Variants in TTC7B observed in about 807,000 individuals in gnomAD.
TTC7B encodes the protein tetratricopeptide repeat protein 7B.
A neutral mutation model predicts 106.8 loss-of-function variants in TTC7B; 28 were observed. That is an observed-to-expected ratio of 0.26 (90% CI 0.19 to 0.36). The LOEUF (loss-of-function observed/expected upper bound fraction) is 0.36. Among genes scored for constraint, TTC7B ranks in the 10% least tolerant of loss-of-function variants. The pLI is 1.00. For synonymous variants in TTC7B, 405 were observed against 430.6 expected (o/e 0.94, Z 0.74); for missense variants, 862 against 1,076.4 (o/e 0.80, Z 2.79).
intron 1 of TTC7B, among the ~76,000 whole-genome samples, chr14:90,794,211 C>CTTTT (rs1186061223): frequency 4.4e-5 from 2 of 45,096 alleles, no homozygotes; most frequent in African/African-American, 7.1e-5. Flanking sequence ...CTGGGTATTT[C>CTTTT]TTTTTTTTTT....
At chr14:90,788,542 T>C (rs2140043286) in intron 1 of TTC7B, among the ~76,000 whole-genome samples, 1 of 151,982 alleles carries the variant, frequency 6.6e-6, no homozygotes, top group Non-Finnish European at 1.5e-5. Context: ...CATGCCTTTA[T>C]CTTTCAAAAC....
rs1884342495 is a variant in TTC7B at position 90,624,246 on chromosome 14, A to G, written c.1752-6201T>C. ...ACAAATAGAAATACTATTTTACTGT[A>G]CTTCTGGAATATTTTAAGAATCTCA... On this transcript the variant is annotated intron_variant, in intron 15 of 19. Coordinates refer to ENST00000328459, the MANE Select transcript of TTC7B (RefSeq NM_001010854.2). This position sits in a 1 kb window ranked among gnomAD's most constrained non-coding sequence, Gnocchi z 4.0. Among the ~76,000 whole-genome samples, 1 of 152,232 alleles carries G rather than the reference A, an allele frequency of 6.6e-6. No homozygotes were observed. Among genetic ancestry groups the G allele is most frequent in the Admixed American group, 6.5e-5 (1 of 15,286 alleles).
At chr14:90,733,613 G>T (rs1373810621) in intron 4 of TTC7B, among the ~76,000 whole-genome samples, 1 of 152,176 alleles carries the variant, frequency 6.6e-6, no homozygotes, top group Non-Finnish European at 1.5e-5. Flanking sequence ...TTGTTCTGTG[G>T]ATAAACACTT....
At chr14:90,745,225 G>GT (rs892002928) in intron 3 of TTC7B, among the ~76,000 whole-genome samples, 1 of 148,976 alleles carries the variant, frequency 6.7e-6, no homozygotes, top group African/African-American at 2.5e-5. Context: ...GAGCCCAGGA[G>GT]TTTGAGACTG....
chr14:90,715,940 G>A (rs1215017424), intron 5 of TTC7B, among the ~76,000 whole-genome samples: 2 of 152,122 alleles, frequency 1.3e-5, no homozygotes, highest in Non-Finnish European at 1.5e-5. Flanking sequence ...TTCTCCCCCA[G>A]TACAGACCTT....
At chr14:90,675,853 G>T (rs924713257) in intron 9 of TTC7B, 2 of 151,698 alleles carry the variant, frequency 1.3e-5, no homozygotes, top group Admixed American at 6.6e-5. Flanking sequence ...TGATCTTCTT[G>T]TTATTTATTT....
Position 90,593,318 on chromosome 14 carries a change from C to T in TTC7B, c.2107+168G>A, listed in dbSNP as rs184320717. Among the ~76,000 whole-genome samples, 461 of 152,326 alleles carry T rather than the reference C, an allele frequency of 3.0e-3. 2 individuals are homozygous for T. Among genetic ancestry groups the T allele is most frequent in the South Asian group, 5.6e-3 (27 of 4,826 alleles). ...GATACAGAGTCACTTGCGGTTTGTG[C>T]AAAGTAGTAGTAACATTTTGGTGCA... On this transcript the variant is annotated intron_variant, in intron 18 of 19. Transcript: ENST00000328459.
At chr14:90,662,764 G>C (rs1886260021) in intron 9 of TTC7B, among the ~76,000 whole-genome samples, 1 of 152,184 alleles carries the variant, frequency 6.6e-6, no homozygotes. Flanking sequence ...AAACAGGCTA[G>C]TGAGTACTAA....
At chr14:90,719,445 T>C (rs1299958128) in intron 5 of TTC7B, among the ~76,000 whole-genome samples, 1 of 152,228 alleles carries the variant, frequency 6.6e-6, no homozygotes, top group Admixed American at 6.5e-5. Context: ...TGTAAATACC[T>C]GATAGGAACA....
At chr14:90,733,546 A>T (rs1226245486) in intron 4 of TTC7B, among the ~76,000 whole-genome samples, 1 of 152,212 alleles carries the variant, frequency 6.6e-6, no homozygotes, top group Admixed American at 6.5e-5. Flanking sequence ...CCTCACAAAG[A>T]GCCTCCAACA....
At chr14:90,616,934 G>A (rs1241622244) in intron 16 of TTC7B, among the ~76,000 whole-genome samples, 1 of 152,180 alleles carries the variant, frequency 6.6e-6, no homozygotes, top group African/African-American at 2.4e-5. Context: ...CTGAGTATTG[G>A]AGCAGTTGTG....
chr14:90,737,826 G>A (rs1045030974), intron 4 of TTC7B, among the ~76,000 whole-genome samples: 1 of 152,124 alleles, frequency 6.6e-6, no homozygotes, highest in Admixed American at 6.5e-5. Context: ...CAAAGTGCTA[G>A]GATTATAGGC....
intron 19 of TTC7B, among the ~76,000 whole-genome samples, chr14:90,576,138 A>T (rs1243914644): frequency 6.6e-6 from 1 of 152,146 alleles, no homozygotes; most frequent in Non-Finnish European, 1.5e-5. Context: ...CTTTTGTCTC[A>T]TGTGTTCCCC....
intron 1 of TTC7B, among the ~76,000 whole-genome samples, chr14:90,810,988 T>C (rs759899075): frequency 6.6e-6 from 1 of 152,126 alleles, no homozygotes; most frequent in Non-Finnish European, 1.5e-5. Flanking sequence ...CATAAGGACA[T>C]GCTGGAAAGG....
rs773625229 is a variant in TTC7B at position 90,541,521 on chromosome 14, C to T, written c.2379G>A (p.Val793=). 3.0e-5 allele frequency: 49 copies of T among 1,613,608 alleles called. No individual in the cohort carries two copies. The highest frequency in any genetic ancestry group is 4.2e-5 in the Non-Finnish European group (49 of 1,179,734). The change falls in exon 20 of 20, where the codon GTG becomes GTA. Residue 793 remains valine, a synonymous_variant. Transcript: ENST00000328459. ...AEKILRDAVQ[V]NSTAHEVWNG... ...TCCAGACCTCGTGGGCTGTCGAGTT[C>T]ACCTGCACCGCGTCCCGGAGGATCT... is the stretch of plus-strand genomic sequence containing the variant.
intron 5 of TTC7B, among the ~76,000 whole-genome samples, chr14:90,701,259 A>G (rs1887973472): frequency 6.6e-6 from 1 of 152,148 alleles, no homozygotes; most frequent in South Asian, 2.1e-4. Context: ...CATTTTTTGG[A>G]CTACCTCAGC....
intron 11 of TTC7B, among the ~76,000 whole-genome samples, chr14:90,655,338 C>G (rs1885903411): frequency 6.6e-6 from 1 of 152,164 alleles, no homozygotes; most frequent in Non-Finnish European, 1.5e-5. Flanking sequence ...TGCTTATTTG[C>G]CTTCTTTTCC....
At chr14:90,556,182 C>A (rs1432557475) in intron 19 of TTC7B, among the ~76,000 whole-genome samples, 1 of 152,196 alleles carries the variant, frequency 6.6e-6, no homozygotes, top group Admixed American at 6.5e-5. Context: ...GGTGGGGGCC[C>A]CGTGGGGGCG....
rs74084316 is a variant in TTC7B at position 90,733,349 on chromosome 14, C to T, written c.577-3153G>A. On this transcript the variant is annotated intron_variant, in intron 4 of 19. Transcript: ENST00000328459. Reference sequence around the variant, plus strand: ...GGTGCAGAAACCCAGATCCCCCTGACTCCACAGCCCGGCTCCTTCTCCTTC... The same window carrying T: ...GGTGCAGAAACCCAGATCCCCCTGATTCCACAGCCCGGCTCCTTCTCCTTC... 3.8e-3 allele frequency among the ~76,000 whole-genome samples: 576 copies of T among 152,292 alleles called. 2 individuals carry two copies. Among genetic ancestry groups the T allele is most frequent in the African/African-American group, 0.013 (558 of 41,550 alleles).
Sources: gnomAD v4.1 joint callset for allele counts (sites outside exome capture counted in the v4.1 genomes callset) on GRCh38, gnomAD v4.1.1 for gene constraint, Gnocchi (gnomAD v3.1) non-coding constraint, MANE v1.5 for transcripts, NCBI Gene and HGNC (gene_info 2026-07-23, HGNC 2026-07-21) for gene names.